PCSK5: variants seen among roughly 807,000 people sequenced by gnomAD.
The protein encoded by PCSK5 is prohormone convertase 5.
PCSK5 carries 129 observed loss-of-function variants against 233.2 expected under a neutral mutation model. That is an observed-to-expected ratio of 0.55 (90% CI 0.48 to 0.64). PCSK5 has a LOEUF of 0.64. PCSK5 is among the 30% of genes least tolerant of loss of function. PCSK5 has a pLI of 0.00. For missense variants in PCSK5, 2,076 were observed against 2,430.1 expected, an observed-to-expected ratio of 0.85 and a Z score of 3.06; for synonymous variants, 825 against 879.2, an observed-to-expected ratio of 0.94 and a Z score of 1.09.
intron 1 of PCSK5, among the ~76,000 whole-genome samples, chr9:75,911,236 A>G (rs1027721424): frequency 6.5e-5 from 1 of 15,286 alleles, no homozygotes; most frequent in Non-Finnish European, 1.4e-4. Context: ...TTTTTTTGCT[A>G]AGCTATTCTA....
chr9:76,065,055 C>G (rs1156634702), intron 5 of PCSK5, among the ~76,000 whole-genome samples: 2 of 152,224 alleles, frequency 1.3e-5, no homozygotes, highest in Admixed American at 6.5e-5. Flanking sequence ...ATTCATTCAT[C>G]TGTTGATGGA....
At chr9:76,017,788 C>A (rs1252451796) in intron 3 of PCSK5, among the ~76,000 whole-genome samples, 1 of 152,036 alleles carries the variant, frequency 6.6e-6, no homozygotes, top group African/African-American at 2.4e-5. Flanking sequence ...TGAAGTCCAT[C>A]AAATTGACTC....
At chr9:76,039,333 C>G (rs1828998345) in intron 5 of PCSK5, among the ~76,000 whole-genome samples, 1 of 152,142 alleles carries the variant, frequency 6.6e-6, no homozygotes, top group South Asian at 2.1e-4. Context: ...ACTTTTCCCC[C>G]CTTGTCTTTG....
At chr9:76,062,767 A>G (rs1373522975) in intron 5 of PCSK5, among the ~76,000 whole-genome samples, 2 of 152,202 alleles carry the variant, frequency 1.3e-5, no homozygotes, top group Non-Finnish European at 2.9e-5. Context: ...TAGGTTATCC[A>G]TTGCCTTAAA....
At chr9:76,165,015 TA>T (rs1301240542) in intron 12 of PCSK5, among the ~76,000 whole-genome samples, 1 of 152,054 alleles carries the variant, frequency 6.6e-6, no homozygotes, top group Non-Finnish European at 1.5e-5. Context: ...CAATCTTTCT[TA>T]AAGAAGTAAT....
chr9:75,960,443 A>C (rs1825299447), intron 2 of PCSK5, among the ~76,000 whole-genome samples: 2 of 152,218 alleles, frequency 1.3e-5, no homozygotes, highest in Non-Finnish European at 2.9e-5. Flanking sequence ...CTGGGGAAGA[A>C]GCAAGACAAG....
In PCSK5 at chr9:76,134,469, C is replaced by T. The variant is rs566944238; in HGVS notation, c.1312+257C>T. Among the ~76,000 whole-genome samples the T allele has an allele frequency of 1.4e-4, 21 of 151,946 alleles. 1 individual carries two copies. The highest frequency in any genetic ancestry group is 3.9e-4 in the Admixed American group (6 of 15,226). On this transcript the variant is annotated intron_variant, in intron 10 of 37. Transcript: ENST00000674117. ...TCGACCAACCCCCATGTATAGTCGGCCTATGGGACCCCTGATTAGTTTACT... is the reference window on the plus strand; with the variant it reads ...TCGACCAACCCCCATGTATAGTCGGTCTATGGGACCCCTGATTAGTTTACT...
At chr9:76,210,078 T>C (rs1348927409) in intron 20 of PCSK5, among the ~76,000 whole-genome samples, 1 of 152,156 alleles carries the variant, frequency 6.6e-6, no homozygotes, top group Non-Finnish European at 1.5e-5. Context: ...TGTGTCTTAG[T>C]TGACCTCAAC....
At chr9:76,032,803 G>GC (rs1230765680) in intron 5 of PCSK5, among the ~76,000 whole-genome samples, 2 of 152,118 alleles carry the variant, frequency 1.3e-5, no homozygotes, top group Admixed American at 1.3e-4. Flanking sequence ...AGTTATATCA[G>GC]CCCCTCCCTA....
At chr9:76,140,326 A>G (rs1564056362) in intron 10 of PCSK5, among the ~76,000 whole-genome samples, 1 of 152,052 alleles carries the variant, frequency 6.6e-6, no homozygotes, top group Non-Finnish European at 1.5e-5. Context: ...TATTAATGAT[A>G]TTTTCTGTGG....
intron 2 of PCSK5, among the ~76,000 whole-genome samples, chr9:75,938,792 G>T (rs1363925825): frequency 3.3e-5 from 5 of 152,170 alleles, no homozygotes; most frequent in Non-Finnish European, 7.3e-5. Context: ...GTGTGACAAG[G>T]TTTCTTGGGC....
chr9:76,312,802 A>G (rs1295131677), intron 30 of PCSK5, among the ~76,000 whole-genome samples: 1 of 152,034 alleles, frequency 6.6e-6, no homozygotes, highest in Non-Finnish European at 1.5e-5. Context: ...TTCTACCAAC[A>G]ATTGATATTG....
chr9:75,911,201 G>GTTTTTTTTTTTTTT (rs71370772), intron 1 of PCSK5, among the ~76,000 whole-genome samples: 1 of 48,758 alleles, frequency 2.1e-5, no homozygotes, highest in Non-Finnish European at 3.5e-5. Context: ...GAACATATAG[G>GTTTTTTTTTTTTTT]TTTTTTTTTT....
intron 7 of PCSK5, among the ~76,000 whole-genome samples, chr9:76,089,229 C>T (rs551696126): frequency 2.0e-4 from 31 of 152,060 alleles, no homozygotes; most frequent in African/African-American, 5.1e-4. Flanking sequence ...CTTTTCTCCC[C>T]GAGAGGAAGA....
intron 30 of PCSK5, among the ~76,000 whole-genome samples, chr9:76,315,009 A>G (rs182425526): frequency 6.6e-6 from 1 of 150,964 alleles, no homozygotes; most frequent in Non-Finnish European, 1.5e-5. Flanking sequence ...TGCCCAGGCA[A>G]TGGCGCCATC....
intron 24 of PCSK5, among the ~76,000 whole-genome samples, chr9:76,265,347 C>T (rs1008356261): frequency 2.6e-5 from 4 of 151,324 alleles, no homozygotes; most frequent in African/African-American, 7.3e-5. Flanking sequence ...CAGTGTCACT[C>T]GATATACTCA....
intron 17 of PCSK5, among the ~76,000 whole-genome samples, chr9:76,185,417 G>A (rs1483822030): frequency 6.6e-6 from 1 of 152,172 alleles, no homozygotes; most frequent in Admixed American, 6.5e-5. Context: ...GCTGTACGTA[G>A]AATTAGAACT....
chr9:76,175,033 C>A lies in PCSK5; in HGVS notation c.1804C>A (p.Pro602Thr). Residue 602 changes from proline (P) to threonine (T), a missense_variant, in exon 14 of 38, where the codon CCA becomes ACA. Pro to Thr is a conservative substitution (Grantham distance 38, BLOSUM62 -1). Around this residue, in one of 6 missense-constraint regions of PCSK5, gnomAD observed 84 missense variants for 108.8 expected, o/e 0.77. Coordinates refer to ENST00000674117, the MANE Select transcript of PCSK5 (RefSeq NM_001372043.1). ...SLVLYGTSVQ[P>T]YSPTNEFPKV... ...GGTCCTCTACGGCACCTCCGTGCAG[C>A]CATATTCACCAACCAATGAATTTCC... The A allele has an allele frequency of 6.2e-7, 1 of 1,613,866 alleles. No homozygotes were observed. The highest frequency in any genetic ancestry group is 8.5e-7 in the Non-Finnish European group (1 of 1,179,788).
At chr9:76,179,963 G>A (rs1319778346) in intron 15 of PCSK5, among the ~76,000 whole-genome samples, 2 of 150,686 alleles carry the variant, frequency 1.3e-5, no homozygotes, top group East Asian at 1.9e-4. Flanking sequence ...TTTGGAGGAC[G>A]GTGGAGGAAC....
Sources: allele counts gnomAD v4.1 joint callset (sites outside exome capture counted in the v4.1 genomes callset), GRCh38; gene constraint gnomAD v4.1.1; regional missense constraint gnomAD v4.1.1; transcripts MANE v1.5; gene names NCBI Gene and HGNC (gene_info 2026-07-23, HGNC 2026-07-21).